CHN1: variants seen among roughly 807,000 people sequenced by gnomAD.
The protein encoded by CHN1 is chimerin 1.
A neutral mutation model predicts 59.5 loss-of-function variants in CHN1; 37 were observed. The ratio of observed to expected loss-of-function variants is 0.62; its 90% confidence interval spans 0.48 to 0.82. The LOEUF is 0.82. Among genes scored for constraint, CHN1 ranks in the 40% least tolerant of loss-of-function variants. The pLI, the probability that CHN1 is intolerant of heterozygous loss-of-function variation, is 0.00. For synonymous variants in CHN1, 206 were observed against 200.4 expected, an observed-to-expected ratio of 1.03 and a Z score of -0.24; for missense variants, 469 against 571.0, an observed-to-expected ratio of 0.82 and a Z score of 1.82.
chr2:174,827,154 C>G (rs960998917), intron 7 of CHN1, among the ~76,000 whole-genome samples: 3 of 152,132 alleles, frequency 2.0e-5, no homozygotes, highest in Non-Finnish European at 2.9e-5. Context: ...ACCTCTATGA[C>G]TCTATGACAC....
chr2:174,926,763 T>C (rs1193205614), intron 3 of CHN1, among the ~76,000 whole-genome samples: 2 of 141,638 alleles, frequency 1.4e-5, no homozygotes, highest in Admixed American at 7.0e-5. Flanking sequence ...ACCCACACCA[T>C]TTTTTTTTTT....
chr2:174,834,977 A>T (rs531180881), intron 7 of CHN1, among the ~76,000 whole-genome samples: 1 of 152,318 alleles, frequency 6.6e-6, no homozygotes, highest in South Asian at 2.1e-4. Flanking sequence ...TCTGTACATT[A>T]CGTGTGGGAT....
chr2:174,959,231 T>C (rs922066946), intron 1 of CHN1, among the ~76,000 whole-genome samples: 2 of 152,224 alleles, frequency 1.3e-5, no homozygotes, highest in African/African-American at 4.8e-5. Flanking sequence ...GTAACAGGTA[T>C]CTATTAAGGC....
rs530133362 is a variant in CHN1 at position 175,005,201 on chromosome 2, G to A, written c.-289C>T. On this transcript the variant is annotated 5_prime_UTR_variant, in exon 1 of 13. Coordinates refer to ENST00000409900, the MANE Select transcript of CHN1 (RefSeq NM_001822.7). The stretch of plus-strand genomic sequence containing the variant: ...GGCGCGGAGCGTGCGCGCGGGAGGA[G>A]GTACCTGCGAGGCAGGAGGCTTGGC... 2 of 1,232,602 alleles carry A rather than the reference G, an allele frequency of 1.6e-6. No homozygotes were observed. The highest frequency in any genetic ancestry group is 3.9e-5 in the East Asian group (1 of 25,386). 76.4% of individuals were successfully genotyped at this position (1,232,602 alleles called of 1,614,324 possible). A position where few individuals can be genotyped will look rare whatever the true frequency, so the allele number is the denominator to read the frequency against.
intron 11 of CHN1, among the ~76,000 whole-genome samples, chr2:174,805,280 A>G (rs1244534078): frequency 2.0e-5 from 3 of 152,224 alleles, no homozygotes; most frequent in African/African-American, 7.2e-5. Flanking sequence ...GCAGCAACTA[A>G]ATATTTCAAA....
intron 6 of CHN1, among the ~76,000 whole-genome samples, chr2:174,863,668 G>T (rs369503442): frequency 4.6e-5 from 7 of 152,046 alleles, no homozygotes; most frequent in African/African-American, 1.4e-4. Flanking sequence ...AGTGTAAAGG[G>T]GTCCTGACTC....
chr2:174,853,480 A>G lies in CHN1; in HGVS notation c.550-6523T>C, dbSNP rs1490401400. Among the ~76,000 whole-genome samples the G allele has an allele frequency of 4.6e-5, 7 of 152,290 alleles. No homozygotes were observed. In the East Asian group the frequency reaches 1.3e-3, roughly 29 times the overall value. On this transcript the variant is annotated intron_variant, in intron 6 of 12. Coordinates refer to ENST00000409900, the MANE Select transcript of CHN1 (RefSeq NM_001822.7). ...GATGAGGCTGTGGAGAAAAGAGAACACTTATACAATGTTGGTGGGAATATA... is the reference window on the plus strand; with the variant it reads ...GATGAGGCTGTGGAGAAAAGAGAACGCTTATACAATGTTGGTGGGAATATA...
At chr2:174,993,695 C>A (rs901403336) in intron 1 of CHN1, among the ~76,000 whole-genome samples, 3 of 151,708 alleles carry the variant, frequency 2.0e-5, no homozygotes, top group Admixed American at 2.0e-4. Flanking sequence ...GGGAAACAAC[C>A]CAAAGGAGAG....
chr2:174,826,612 AGAGTAG>A (rs1343950838), intron 7 of CHN1, among the ~76,000 whole-genome samples: 1 of 152,206 alleles, frequency 6.6e-6, no homozygotes, highest in Non-Finnish European at 1.5e-5. Context: ...GAGAGCAAAA[AGAGTAG>A]AAGGTGTTTT....
intron 5 of CHN1, among the ~76,000 whole-genome samples, chr2:174,912,822 A>G (rs1326235914): frequency 1.3e-5 from 2 of 152,196 alleles, no homozygotes; most frequent in Admixed American, 6.5e-5. Flanking sequence ...AAATTCCTCT[A>G]TCTATGACCA....
intron 5 of CHN1, among the ~76,000 whole-genome samples, chr2:174,882,554 A>G (rs1687769632): frequency 6.6e-6 from 1 of 152,232 alleles, no homozygotes; most frequent in Non-Finnish European, 1.5e-5. Context: ...TTGAGGCCAA[A>G]GTGATTTGAA....
intron 1 of CHN1, among the ~76,000 whole-genome samples, chr2:174,981,832 C>T (rs1691160073): frequency 6.6e-6 from 1 of 152,010 alleles, no homozygotes; most frequent in African/African-American, 2.4e-5. Flanking sequence ...TTTTAGGGTA[C>T]ATGTGCACAA....
chr2:174,881,548 G>C (rs1046305956), intron 5 of CHN1, among the ~76,000 whole-genome samples: 1 of 152,182 alleles, frequency 6.6e-6, no homozygotes, highest in East Asian at 1.9e-4. Flanking sequence ...TAGTAGGCTC[G>C]AGTGGTAGTT....
At chr2:174,988,356 C>G (rs1034257260) in intron 1 of CHN1, among the ~76,000 whole-genome samples, 3 of 61,416 alleles carry the variant, frequency 4.9e-5, no homozygotes, top group Non-Finnish European at 7.0e-5. Flanking sequence ...AACTCCGTCT[C>G]AAAAAAAAAA....
chr2:174,964,321 T>G (rs1412940162), intron 1 of CHN1, among the ~76,000 whole-genome samples: 1 of 152,220 alleles, frequency 6.6e-6, no homozygotes, highest in East Asian at 1.9e-4. Context: ...TCCTATGGTC[T>G]TGGAGTATTA....
intron 1 of CHN1, among the ~76,000 whole-genome samples, chr2:174,987,671 T>C (rs1352020698): frequency 1.3e-5 from 2 of 152,158 alleles, no homozygotes; most frequent in African/African-American, 4.8e-5. Flanking sequence ...CCTGATCTCA[T>C]GATCCACCTG....
At chr2:174,845,040 C>T (rs767159310) in intron 7 of CHN1, among the ~76,000 whole-genome samples, 1 of 152,130 alleles carries the variant, frequency 6.6e-6, no homozygotes, top group Non-Finnish European at 1.5e-5. Flanking sequence ...AGAGTCAGAA[C>T]TTTCCAGCTG....
rs189447371 is a variant in CHN1, at chr2:174,891,059, C to T, written c.261-12931G>A. ...GGGAGGCTGAGGCAGGAGAATGGTGCGAACCTGGGAGGCAGAGCTTGCAGT... is the reference window on the plus strand; with the variant it reads ...GGGAGGCTGAGGCAGGAGAATGGTGTGAACCTGGGAGGCAGAGCTTGCAGT... On this transcript the variant is annotated intron_variant, in intron 5 of 12. Coordinates refer to ENST00000409900, the MANE Select transcript of CHN1 (RefSeq NM_001822.7). Among the ~76,000 whole-genome samples the T allele has an allele frequency of 4.8e-3, 655 of 136,086 alleles. 6 individuals are homozygous for T. Among genetic ancestry groups the T allele is most frequent in the African/African-American group, 0.017 (614 of 35,702 alleles). 89.3% of individuals were successfully genotyped at this position (136,086 alleles called of 152,430 possible).
At chr2:174,939,188 A>G (rs935023975) in intron 3 of CHN1, among the ~76,000 whole-genome samples, 1 of 152,180 alleles carries the variant, frequency 6.6e-6, no homozygotes, top group African/African-American at 2.4e-5. Context: ...ACATCCATCT[A>G]TTCATCCAGT....
Sources: gnomAD v4.1 joint callset for allele counts (sites outside exome capture counted in the v4.1 genomes callset) on GRCh38, gnomAD v4.1.1 for gene constraint, MANE v1.5 for transcripts, NCBI Gene and HGNC (gene_info 2026-07-23, HGNC 2026-07-21) for gene names.